SDAD1: variants seen among roughly 807,000 people sequenced by gnomAD.
The protein encoded by SDAD1 is protein SDA1 homolog.
A neutral mutation model predicts 100.3 loss-of-function variants in SDAD1; 79 were observed. The ratio of observed to expected loss-of-function variants is 0.79; its 90% confidence interval spans 0.66 to 0.95. The LOEUF (loss-of-function observed/expected upper bound fraction) is 0.95, where lower values mean the gene tolerates loss of function less well. Ranked by LOEUF, SDAD1 falls within the 40% of genes least tolerant of loss-of-function variation. The pLI is 0.00. For missense variants in SDAD1, 790 were observed against 810.9 expected (o/e 0.97, Z 0.31); for synonymous variants, 267 against 271.4 (o/e 0.98, Z 0.16).
chr4:75,967,981 G>C (rs1345098223), intron 11 of SDAD1, among the ~76,000 whole-genome samples: 2 of 152,144 alleles, frequency 1.3e-5, no homozygotes, highest in African/African-American at 4.8e-5. Flanking sequence ...TCTTTTTCAA[G>C]GTATATCAGT....
intron 9 of SDAD1, 34 bp from the exon 10 acceptor site, chr4:75,970,412 G>T (rs769000335): frequency 7.9e-6 from 12 of 1,516,908 alleles, no homozygotes; most frequent in Non-Finnish European, 1.1e-5. Context: ...TTCAGTCTGA[G>T]TTACAGTGAT....
At chr4:75,966,014 CAA>C (rs2149316610) in intron 12 of SDAD1, among the ~76,000 whole-genome samples, 192 bp from the exon 13 acceptor site, 1 of 152,204 alleles carries the variant, frequency 6.6e-6, no homozygotes, top group African/African-American at 2.4e-5. Context: ...GCTGCCTTAT[CAA>C]AAAGTCTCTC....
chr4:75,979,645 G>C (rs1730377383), intron 3 of SDAD1, among the ~76,000 whole-genome samples: 1 of 151,902 alleles, frequency 6.6e-6, no homozygotes, highest in Admixed American at 6.6e-5. Context: ...AGTAGAGACA[G>C]GGTTTCTCCA....
Position 75,950,731 on chromosome 4 carries a change from T to C in SDAD1, c.*19A>G, listed in dbSNP as rs534578726. ...CACAAACTTAGCATTCTTCTAGGAA[T>C]GGAAAACTTGCCAGGAAGTTACTTC... On this transcript the variant is annotated 3_prime_UTR_variant, in exon 22 of 22. Coordinates refer to ENST00000356260, the MANE Select transcript of SDAD1 (RefSeq NM_018115.4). The C allele has an allele frequency of 1.4e-5, 22 of 1,564,324 alleles. No individual in the cohort carries two copies. The highest frequency in any genetic ancestry group is 1.3e-4 in the South Asian group (11 of 87,832).
intron 4 of SDAD1, 127 bp downstream of exon 4, chr4:75,977,519 G>T: frequency 1.4e-6 from 1 of 695,234 alleles, no homozygotes; most frequent in Non-Finnish European, 2.6e-6. Context: ...CATATAGCAT[G>T]CACACAATGG....
At chr4:75,964,477 A>G (rs1430197423) in intron 13 of SDAD1, among the ~76,000 whole-genome samples, 1 of 152,254 alleles carries the variant, frequency 6.6e-6, no homozygotes, top group Admixed American at 6.5e-5. Flanking sequence ...CTAGTTATAC[A>G]AAATTTGCTT....
rs375225256 is a variant in SDAD1 at position 75,966,267 on chromosome 4, T to TACACACACACAC, written c.1046-457_1046-446dup. ...AATAAATACTTGCTGAATGAATGCA[T>TACACACACACAC]ACACACACACACACACACACACACA... On this transcript the variant is annotated intron_variant, in intron 12 of 21. Coordinates refer to ENST00000356260, the MANE Select transcript of SDAD1 (RefSeq NM_018115.4). Among the ~76,000 whole-genome samples, 104 of 139,284 alleles carry TACACACACACAC rather than the reference T, an allele frequency of 7.5e-4. 1 individual carries two copies. The highest frequency in any genetic ancestry group is 4.4e-3 in the Admixed American group (60 of 13,748). 91.4% of individuals were successfully genotyped at this position (139,284 alleles called of 152,430 possible).
intron 4 of SDAD1, 113 bp downstream of exon 4, chr4:75,977,533 C>G: frequency 1.3e-6 from 1 of 744,386 alleles, no homozygotes; most frequent in Non-Finnish European, 2.4e-6. Context: ...ACAATGGTTG[C>G]TTTTTCCTGT....
chr4:75,968,387 TTTTC>T (rs1190096390), intron 11 of SDAD1, among the ~76,000 whole-genome samples: 1 of 152,210 alleles, frequency 6.6e-6, no homozygotes. Flanking sequence ...TTTTCTTTTC[TTTTC>T]TTTTGGTTTT....
chr4:75,956,232 T>A (rs1728885115), intron 20 of SDAD1, 96 bp from the exon 21 acceptor site: 20 of 1,368,876 alleles, frequency 1.5e-5, no homozygotes, highest in Non-Finnish European at 1.9e-5. Flanking sequence ...GAAGCTCTAC[T>A]AGGTGCCAAG....
intron 20 of SDAD1, among the ~76,000 whole-genome samples, chr4:75,957,047 T>TTGCA (rs1216919656): frequency 1.3e-5 from 2 of 152,104 alleles, no homozygotes; most frequent in African/African-American, 4.8e-5. Flanking sequence ...GAGGCAGAGG[T>TTGCA]TGCAGTGAGC....
At chr4:75,977,892 C>A (rs1730246980) in intron 3 of SDAD1, 136 bp from the exon 4 acceptor site, 1 of 602,760 alleles carries the variant, frequency 1.7e-6, no homozygotes, top group Non-Finnish European at 2.9e-6. Flanking sequence ...TCAGTCTCTG[C>A]CTTCATGGAG....
At chr4:75,989,495 G>A (rs775734416) in intron 1 of SDAD1, among the ~76,000 whole-genome samples, 31 of 152,170 alleles carry the variant, frequency 2.0e-4, no homozygotes, top group Non-Finnish European at 2.9e-4. Context: ...ACAACACACA[G>A]TAGTTATATG....
Position 75,965,892 on chromosome 4 carries a change from TG to T in SDAD1, c.1046-71del. ...CTGCCTCTGAGGACCACAGCAAACA[TG>T]GCAAGCTCATTCTGGTCTAAATGGT... On this transcript the variant is annotated intron_variant, in intron 12 of 21. Coordinates refer to ENST00000356260, the MANE Select transcript of SDAD1 (RefSeq NM_018115.4). 5 of 1,266,966 alleles carry T rather than the reference TG, an allele frequency of 3.9e-6. No individual in the cohort carries two copies. In the South Asian group the frequency reaches 6.2e-5, roughly 16 times the overall value. 78.5% of individuals were successfully genotyped at this position (1,266,966 alleles called of 1,614,324 possible). A position where few individuals can be genotyped will look rare whatever the true frequency, so the allele number is the denominator to read the frequency against.
intron 1 of SDAD1, among the ~76,000 whole-genome samples, chr4:75,988,954 C>A (rs991358000): frequency 2.0e-5 from 3 of 152,116 alleles, no homozygotes; most frequent in Non-Finnish European, 4.4e-5. Context: ...ATATTAGTTA[C>A]CCTGCTTCCA....
intron 8 of SDAD1, among the ~76,000 whole-genome samples, chr4:75,972,730 T>C (rs927187536): frequency 1.3e-5 from 2 of 150,970 alleles, no homozygotes; most frequent in Non-Finnish European, 2.9e-5. Flanking sequence ...CTCAAAAACA[T>C]GCTGGTGATG....
At chr4:75,977,881 G>C in intron 3 of SDAD1, 125 bp from the exon 4 acceptor site, 1 of 618,612 alleles carries the variant, frequency 1.6e-6, no homozygotes, top group Admixed American at 3.0e-5. Flanking sequence ...ATTCAGAATA[G>C]TCAGTCTCTG....
rs2149322183 is a variant in SDAD1, at chr4:75,973,482, C to T, written c.637-91G>A. 8.1e-6 allele frequency: 7 copies of T among 862,786 alleles called. No homozygotes were observed. In the East Asian group the frequency reaches 1.7e-4, roughly 21 times the overall value. 53.4% of individuals were successfully genotyped at this position (862,786 alleles called of 1,614,324 possible). The stretch of plus-strand genomic sequence containing the variant: ...AGTATGCTTTATACATGTGCATGAA[C>T]TAAGATCTGAAGAACAAATTCAAAG... On this transcript the variant is annotated intron_variant, in intron 7 of 21. Coordinates refer to ENST00000356260, the MANE Select transcript of SDAD1 (RefSeq NM_018115.4).
intron 2 of SDAD1, 27 bp from the exon 3 acceptor site, chr4:75,981,497 A>G (rs769077168): frequency 6.2e-7 from 1 of 1,613,150 alleles, no homozygotes; most frequent in Non-Finnish European, 8.5e-7. Context: ...GCTCTTCTGA[A>G]GTTGCTCTCT....
Sources: gnomAD v4.1 joint callset for allele counts (sites outside exome capture counted in the v4.1 genomes callset) on GRCh38, gnomAD v4.1.1 for gene constraint, MANE v1.5 for transcripts, NCBI Gene and HGNC (gene_info 2026-07-23, HGNC 2026-07-21) for gene names.